KIF5B: variants seen among roughly 807,000 people sequenced by gnomAD.
KIF5B encodes the protein kinesin family member 5B, also known as kinesin-1 heavy chain.
A neutral mutation model predicts 132.8 loss-of-function variants in KIF5B; 49 were observed. That is an observed-to-expected ratio of 0.37 (90% CI 0.29 to 0.47). The LOEUF (loss-of-function observed/expected upper bound fraction) is 0.47, where lower values mean the gene tolerates loss of function less well. Among genes scored for constraint, KIF5B ranks in the 20% least tolerant of loss-of-function variants. KIF5B has a pLI of 1.00. For missense variants in KIF5B, 780 were observed against 1,144.0 expected (o/e 0.68, Z 4.59); for synonymous variants, 355 against 369.4 (o/e 0.96, Z 0.45).
At chr10:32,034,426 T>A (rs1323742078) in intron 11 of KIF5B, among the ~76,000 whole-genome samples, 2 of 152,186 alleles carry the variant, frequency 1.3e-5, no homozygotes, top group African/African-American at 4.8e-5. Context: ...TCTTTCAAAC[T>A]TTTTCTTCTC....
chr10:32,031,725 G>A (rs543370725), intron 13 of KIF5B, among the ~76,000 whole-genome samples: 2 of 151,124 alleles, frequency 1.3e-5, no homozygotes, highest in Non-Finnish European at 2.9e-5. Flanking sequence ...TGGGCCAGGC[G>A]GGGTGGCTCA....
At chr10:32,029,003 A>C (rs1446127254) in intron 14 of KIF5B, among the ~76,000 whole-genome samples, 1 of 152,198 alleles carries the variant, frequency 6.6e-6, no homozygotes, top group African/African-American at 2.4e-5. Flanking sequence ...CTTTCTATAT[A>C]CTTACTCACT....
chr10:32,037,317 GTTCTC>G lies in KIF5B; in HGVS notation c.643_647del (p.Glu215HisfsTer15). The G allele has an allele frequency of 6.2e-7, 1 of 1,613,322 alleles. No individual in the cohort carries two copies. Among genetic ancestry groups the G allele is most frequent in the Non-Finnish European group, 8.5e-7 (1 of 1,179,370 alleles). ...CACTCAGCTTTTGTTCCGTTTGTGTGTTCTCTTGTTTGACATTAATAAGAAATATA... is the reference window on the plus strand; with the variant it reads ...CACTCAGCTTTTGTTCCGTTTGTGTGTTGTTTGACATTAATAAGAAATATA... On this transcript the variant is annotated frameshift_variant, in exon 8 of 26. Transcript: ENST00000302418. LOFTEE classifies it high-confidence loss of function.
At chr10:32,021,802 C>T (rs1346488362) in intron 17 of KIF5B, among the ~76,000 whole-genome samples, 2 of 152,052 alleles carry the variant, frequency 1.3e-5, no homozygotes, top group Admixed American at 1.3e-4. Context: ...GAAGCCCTGT[C>T]TCTACAAAAA....
Position 32,011,108 on chromosome 10 carries a change from G to A in KIF5B, c.*429C>T, listed in dbSNP as rs1259263690. ...TCTCTTAAGAAAAAAAAAGGAAGAC[G>A]TTTTAATAGGAAAAGAAAAACAAGA... On this transcript the variant is annotated 3_prime_UTR_variant, in exon 26 of 26. Coordinates refer to ENST00000302418, the MANE Select transcript of KIF5B (RefSeq NM_004521.3). 1 of 152,048 alleles carries A rather than the reference G, an allele frequency of 6.6e-6. No homozygotes were observed. The highest frequency in any genetic ancestry group is 6.6e-5 in the Admixed American group (1 of 15,258). The allele number at this position is 152,048 out of a possible 1,614,324, so 9.4% of individuals were successfully genotyped here. A position where few individuals can be genotyped will look rare whatever the true frequency, so the allele number is the denominator to read the frequency against.
At chr10:32,026,437 CAAAAAAAAAAAA>C (rs71027049) in intron 15 of KIF5B, among the ~76,000 whole-genome samples, 13 of 48,928 alleles carry the variant, frequency 2.7e-4, no homozygotes, top group African/African-American at 5.3e-4. Context: ...GATTCCGTCT[CAAAAAAAAAAAA>C]AAAAAAAAAA....
chr10:32,011,341 T>G lies in KIF5B; in HGVS notation c.*196A>C, dbSNP rs1841077163. On this transcript the variant is annotated 3_prime_UTR_variant, in exon 26 of 26. Coordinates refer to ENST00000302418, the MANE Select transcript of KIF5B (RefSeq NM_004521.3). The stretch of plus-strand genomic sequence containing the variant: ...TGCCAAAATTGCACTCTAGTTGTGT[T>G]GGGAAGCAGCAGAGTTTACAAGAAG... 1 of 152,578 alleles carries G rather than the reference T, an allele frequency of 6.6e-6. No individual in the cohort carries two copies. The highest frequency in any genetic ancestry group is 1.5e-5 in the Non-Finnish European group (1 of 68,020). The allele number at this position is 152,578 out of a possible 1,614,324, so 9.5% of individuals were successfully genotyped here.
intron 15 of KIF5B, among the ~76,000 whole-genome samples, chr10:32,025,307 C>CTAGCACTTCTAGGTATTTTTACT (rs1841320924): frequency 6.6e-6 from 1 of 152,182 alleles, no homozygotes; most frequent in African/African-American, 2.4e-5. Context: ...AACGTACAAC[C>CTAGCACTTCTAGGTATTTTTACT]TAGCACTTCT....
chr10:32,043,547 G>A (rs1841571266), intron 2 of KIF5B, among the ~76,000 whole-genome samples: 1 of 152,178 alleles, frequency 6.6e-6, no homozygotes. Context: ...GAGAGTTCAG[G>A]TCAGGAAGCC....
chr10:32,018,232 A>G (rs921288500), intron 22 of KIF5B, 76 bp from the exon 23 acceptor site: 9 of 1,454,190 alleles, frequency 6.2e-6, no homozygotes, highest in Middle Eastern at 3.6e-4. Flanking sequence ...ACGTGACTGT[A>G]AAGTTATTTC....
rs1251988468 is a variant in KIF5B at position 32,010,191 on chromosome 10, G to A, written c.*1346C>T. On this transcript the variant is annotated 3_prime_UTR_variant, in exon 26 of 26. Coordinates refer to ENST00000302418, the MANE Select transcript of KIF5B (RefSeq NM_004521.3). ...TTCTCTGTGAATTTCTGCTAACACA[G>A]TTGCAGTCACCGCCCCCCTACCACT... 6.6e-6 allele frequency: 1 copy of A among 152,008 alleles called. No individual in the cohort carries two copies. The highest frequency in any genetic ancestry group is 1.5e-5 in the Non-Finnish European group (1 of 67,960). The allele number at this position is 152,008 out of a possible 1,614,324, so 9.4% of individuals were successfully genotyped here. A position where few individuals can be genotyped will look rare whatever the true frequency, so the allele number is the denominator to read the frequency against.
At chr10:32,051,218 C>G (rs1841690311) in intron 1 of KIF5B, among the ~76,000 whole-genome samples, 1 of 152,172 alleles carries the variant, frequency 6.6e-6, no homozygotes, top group South Asian at 2.1e-4. Flanking sequence ...GCCACCACGC[C>G]TGGCTAATTT....
Position 32,023,015 on chromosome 10 carries a change from T to A in KIF5B, c.1747A>T (p.Ile583Leu). 1 of 1,587,078 alleles carries A rather than the reference T, an allele frequency of 6.3e-7. No homozygotes were observed. The highest frequency in any genetic ancestry group is 8.6e-7 in the Non-Finnish European group (1 of 1,164,718). Residue 583 changes from isoleucine (I) to leucine (L), a missense_variant, in exon 16 of 26, where the codon ATA (isoleucine) becomes TTA (leucine). Physicochemically the swap from Ile to Leu is conservative, Grantham distance 5 (BLOSUM62 2). Transcript: ENST00000302418. ...DVKQPEGTGM[I>L]DEEFTVARLY... is the part of the protein sequence containing the mutation. ...CTTGCAACAGTGAACTCTTCATCTA[T>A]CATGCCAGTTCCCTCAGGCTGCTGT...
chr10:32,051,929 T>C (rs1283835820), intron 1 of KIF5B, among the ~76,000 whole-genome samples: 1 of 152,218 alleles, frequency 6.6e-6, no homozygotes, highest in African/African-American at 2.4e-5. Context: ...ATGTACATTA[T>C]GCAGCTTTTA....
At chr10:32,055,197 C>T (rs1038514388) in intron 1 of KIF5B, among the ~76,000 whole-genome samples, 5 of 151,676 alleles carry the variant, frequency 3.3e-5, no homozygotes, top group East Asian at 1.9e-4. Flanking sequence ...AAAAAAAAAG[C>T]TCAACTATTT....
intron 2 of KIF5B, among the ~76,000 whole-genome samples, chr10:32,044,187 A>C (rs1185426135): frequency 6.6e-6 from 1 of 152,250 alleles, no homozygotes; most frequent in African/African-American, 2.4e-5. Flanking sequence ...GGTAAAGATA[A>C]AAGGAAATCA....
rs373708019 is a variant in KIF5B, at chr10:32,010,326, C to G, written c.*1211G>C. Reference sequence around the variant, plus strand: ...AAAAAGTGGCAAAAATACGTATACACTTAGTACTGATTACAAAATTATCGG... The same window carrying G: ...AAAAAGTGGCAAAAATACGTATACAGTTAGTACTGATTACAAAATTATCGG... On this transcript the variant is annotated 3_prime_UTR_variant, in exon 26 of 26. Coordinates refer to ENST00000302418, the MANE Select transcript of KIF5B (RefSeq NM_004521.3). 1.3e-5 allele frequency: 2 copies of G among 152,128 alleles called. No homozygotes were observed. The highest frequency in any genetic ancestry group is 2.9e-5 in the Non-Finnish European group (2 of 68,000). 9.4% of individuals were successfully genotyped at this position (152,128 alleles called of 1,614,324 possible).
chr10:32,021,398 T>A, intron 17 of KIF5B, 111 bp from the exon 18 acceptor site: 2 of 738,854 alleles, frequency 2.7e-6, no homozygotes, highest in Admixed American at 2.5e-5. Flanking sequence ...AATATTCAAC[T>A]TCAAATTACC....
In KIF5B at chr10:32,032,729, T is replaced by C; in HGVS notation, c.1351A>G (p.Thr451Ala). ...ACCTCCTCCTGATCCAACATTTGCG[T>C]CTTCAGTTTCTCTACCAGTTGACTT... ...QQSQLVEKLK[T>A]QMLDQEELLA... is the part of the protein sequence containing the mutation. Residue 451 changes from threonine (T) to alanine (A), a missense_variant, in exon 13 of 26, where the codon ACG becomes GCG. Thr to Ala is a moderately conservative substitution (Grantham distance 58, BLOSUM62 0). Transcript: ENST00000302418. The C allele has an allele frequency of 3.7e-6, 6 of 1,613,974 alleles. No homozygotes were observed. The highest frequency in any genetic ancestry group is 5.1e-6 in the Non-Finnish European group (6 of 1,179,858).
Sources: allele counts gnomAD v4.1 joint callset (sites outside exome capture counted in the v4.1 genomes callset), GRCh38; gene constraint gnomAD v4.1.1; transcripts MANE v1.5; gene names NCBI Gene and HGNC (gene_info 2026-07-23, HGNC 2026-07-21).